The following ACACB variants were observed in gnomAD, a reference collection of about 807,000 sequenced individuals.
ACACB encodes acetyl-CoA carboxylase beta.
Under a neutral mutation model 278.8 loss-of-function variants are expected in ACACB, and 209 were observed. That is an observed-to-expected ratio of 0.75 (90% CI 0.67 to 0.84). The LOEUF (loss-of-function observed/expected upper bound fraction) is 0.84, where lower values mean the gene tolerates loss of function less well. ACACB is among the 40% of genes least tolerant of loss of function. The pLI is 0.00. For synonymous variants in ACACB, 1,174 were observed against 1,285.6 expected, an observed-to-expected ratio of 0.91 and a Z score of 1.86; for missense variants, 2,850 against 3,269.0, an observed-to-expected ratio of 0.87 and a Z score of 3.13.
intron 33 of ACACB, among the ~76,000 whole-genome samples, chr12:109,236,862 G>A (rs748658976): frequency 3.3e-5 from 5 of 151,880 alleles, no homozygotes; most frequent in Non-Finnish European, 7.4e-5. Context: ...GTGACAGATG[G>A]AGAACAGCCT....
chr12:109,256,205 TG>T lies in ACACB; in HGVS notation c.6235del (p.Ala2079ArgfsTer5), dbSNP rs1342686032. 1.2e-6 allele frequency: 2 copies of T among 1,613,846 alleles called. No individual in the cohort carries two copies. Among genetic ancestry groups the T allele is most frequent in the Non-Finnish European group, 1.7e-6 (2 of 1,179,920 alleles). ...HGSFKEIMAP[W>X]AQTVVTGRAR... ...CAGTTTCAAGGAAATCATGGCACCC[TG>T]GGCGCAGACCGTGGTGACAGGACGA... On this transcript the variant is annotated frameshift_variant, in exon 45 of 53. Transcript: ENST00000338432. LOFTEE classifies it high-confidence loss of function.
chr12:109,134,088 A>G (rs768462843), intron 1 of ACACB, among the ~76,000 whole-genome samples: 1 of 151,474 alleles, frequency 6.6e-6, no homozygotes, highest in East Asian at 1.9e-4. Flanking sequence ...CAGCTTACAC[A>G]CAGTTTTTGA....
chr12:109,117,719 C>A (rs246082), intron 1 of ACACB, among the ~76,000 whole-genome samples: 80,701 of 152,078 alleles, frequency 0.53, 22,974 homozygotes, highest in African/African-American at 0.74. Context: ...AACCATCCCA[C>A]TTTGCCCAGG....
chr12:109,265,462 G>A lies in ACACB; in HGVS notation c.7187G>A (p.Arg2396His), dbSNP rs777984086. ...CACTGGCAGGCAGGGGATGGCCCGC[G>A]CTCCACCATCCGTGAGAACATCACG... is the stretch of plus-strand genomic sequence containing the variant. ...EQHWQAGDGPRSTIRENITYL... is the reference protein window; with the variant it reads ...EQHWQAGDGPHSTIRENITYL... Residue 2396 changes from arginine to histidine, a missense_variant, in exon 52 of 53, where the codon CGC becomes CAC. Arg to His is a conservative substitution (Grantham distance 29). Around this residue, in one of 3 missense-constraint regions of ACACB, gnomAD observed 579 missense variants for 684.6 expected, o/e 0.85. Coordinates refer to ENST00000338432, the MANE Select transcript of ACACB (RefSeq NM_001093.4). The A allele has an allele frequency of 1.5e-5, 25 of 1,613,042 alleles. No homozygotes were observed. Among genetic ancestry groups the A allele is most frequent in the South Asian group, 1.1e-4 (10 of 91,012 alleles).
chr12:109,222,684 C>T, intron 25 of ACACB, 64 bp downstream of exon 25: 1 of 1,526,306 alleles, frequency 6.6e-7, no homozygotes, highest in Non-Finnish European at 9.1e-7. Context: ...GTGTCCCCTA[C>T]CGTGCTCAGC....
intron 1 of ACACB, chr12:109,131,299 T>A (rs559219974): frequency 1.4e-4 from 21 of 152,728 alleles, no homozygotes; most frequent in Non-Finnish European, 2.9e-4. Context: ...CCCACCCCCA[T>A]GGCCTGATGC....
intron 2 of ACACB, among the ~76,000 whole-genome samples, chr12:109,165,733 C>T (rs2136149519): frequency 6.6e-6 from 1 of 152,252 alleles, no homozygotes; most frequent in South Asian, 2.1e-4. Context: ...CAGTAGACTT[C>T]TATGGTATTG....
At chr12:109,196,891 T>G (rs1593528642) in intron 16 of ACACB, 117 bp from the exon 17 acceptor site, 5 of 1,170,062 alleles carry the variant, frequency 4.3e-6, no homozygotes, top group East Asian at 3.1e-5. Context: ...GAGACGGGGG[T>G]GTTCATCTTG....
chr12:109,206,428 C>CAAA (rs35315851), intron 19 of ACACB, among the ~76,000 whole-genome samples: 23,140 of 89,240 alleles, frequency 0.26, 2,999 homozygotes, highest in East Asian at 0.36. Context: ...GCGAGTGTCT[C>CAAA]AAAAAAAAAA....
At chr12:109,122,512 G>A (rs2042572950) in intron 1 of ACACB, among the ~76,000 whole-genome samples, 1 of 139,266 alleles carries the variant, frequency 7.2e-6, no homozygotes, top group African/African-American at 2.8e-5. Flanking sequence ...ATTCAAGGCT[G>A]CAATGAGCTA....
At chr12:109,133,146 G>A (rs1370682113) in intron 1 of ACACB, among the ~76,000 whole-genome samples, 2 of 152,094 alleles carry the variant, frequency 1.3e-5, no homozygotes, top group African/African-American at 4.8e-5. Flanking sequence ...AATTTGATTG[G>A]CTTTCCAACA....
At chr12:109,138,193 C>T (rs1459157087) in intron 1 of ACACB, among the ~76,000 whole-genome samples, 4 of 152,264 alleles carry the variant, frequency 2.6e-5, no homozygotes, top group Admixed American at 2.0e-4. Context: ...CATGAGCCAC[C>T]GCACTGGGCT....
rs982334893 is a variant in ACACB, at chr12:109,157,407, G to A, written c.654-9454G>A. Among the ~76,000 whole-genome samples the A allele has an allele frequency of 2.0e-5, 3 of 151,970 alleles. No homozygotes were observed. The East Asian group carries it at 5.8e-4, about 29-fold the overall frequency. ...CTCACCTCAGCCTTCCAAGTAGTGG[G>A]ACCACAGGCATGCGCCACCACACCC... On this transcript the variant is annotated intron_variant, in intron 2 of 52. Coordinates refer to ENST00000338432, the MANE Select transcript of ACACB (RefSeq NM_001093.4).
chr12:109,169,823 C>T (rs1361052330), intron 4 of ACACB, among the ~76,000 whole-genome samples: 1 of 152,192 alleles, frequency 6.6e-6, no homozygotes, highest in African/African-American at 2.4e-5. Flanking sequence ...GACCAGGAAG[C>T]CTGTCTGGCC....
At chr12:109,155,547 A>G (rs1001300202) in intron 2 of ACACB, among the ~76,000 whole-genome samples, 1 of 149,898 alleles carries the variant, frequency 6.7e-6, no homozygotes, top group East Asian at 2.0e-4. Context: ...CCATAATTCC[A>G]CCCCTGTGAT....
rs1340472855 is a variant in ACACB at position 109,139,953 on chromosome 12, C to T, written c.548C>T (p.Ser183Leu). The stretch of plus-strand genomic sequence containing the variant: ...TCCGACGAGGACTCTGTTGCTGGCT[C>T]ATCTCGTGAGTCTACCCGGAAGGGC... ...YSSDEDSVAG[S>L]SRESTRKGSR... The change falls in exon 2 of 53, where the codon TCA becomes TTA. Residue 183 changes from serine (S) to leucine (L), a missense_variant. Physicochemically the swap from Ser to Leu is moderately radical, Grantham distance 145 (BLOSUM62 -2). This residue lies in a region of ACACB where 2,265 missense variants were observed against 2,561.3 expected (regional missense o/e 0.88). Transcript: ENST00000338432. The T allele has an allele frequency of 1.2e-6, 2 of 1,614,120 alleles. No individual in the cohort carries two copies. Among genetic ancestry groups the T allele is most frequent in the South Asian group, 1.1e-5 (1 of 91,074 alleles).
intron 18 of ACACB, among the ~76,000 whole-genome samples, chr12:109,200,270 G>A (rs979485247): frequency 2.6e-5 from 4 of 151,678 alleles, no homozygotes; most frequent in South Asian, 2.1e-4. Flanking sequence ...TGCAAACTCC[G>A]CCTCCCAGGC....
intron 12 of ACACB, among the ~76,000 whole-genome samples, chr12:109,187,599 A>G (rs1386029837): frequency 6.6e-6 from 1 of 151,816 alleles, no homozygotes; most frequent in East Asian, 1.9e-4. Context: ...AGCTGGGACT[A>G]CAGGTGTGTG....
At chr12:109,186,747 G>A (rs1297595848) in intron 12 of ACACB, among the ~76,000 whole-genome samples, 1 of 152,012 alleles carries the variant, frequency 6.6e-6, no homozygotes, top group Non-Finnish European at 1.5e-5. Flanking sequence ...TAGGGTTCTT[G>A]GCTGTGAACC....
Sources: gnomAD v4.1 joint callset for allele counts (sites outside exome capture counted in the v4.1 genomes callset) on GRCh38, gnomAD v4.1.1 for gene constraint, gnomAD v4.1.1 regional missense constraint, MANE v1.5 for transcripts, NCBI Gene and HGNC (gene_info 2026-07-23, HGNC 2026-07-21) for gene names.